Variants in SEC14L2 observed in about 807,000 individuals in gnomAD.
SEC14L2 encodes SEC14-like protein 2.
A neutral mutation model predicts 56.9 loss-of-function variants in SEC14L2; 50 were observed. That is an observed-to-expected ratio of 0.88 (90% CI 0.70 to 1.11). The LOEUF is 1.11. SEC14L2 is among the 50% of genes most tolerant of loss of function. The pLI, the probability that SEC14L2 is intolerant of heterozygous loss-of-function variation, is 0.00. For missense variants in SEC14L2, 414 were observed against 500.7 expected (o/e 0.83, Z 1.65); for synonymous variants, 179 against 188.5 (o/e 0.95, Z 0.41).
chr22:30,410,967 A>G (rs990090549), intron 8 of SEC14L2, among the ~76,000 whole-genome samples: 7 of 152,356 alleles, frequency 4.6e-5, no homozygotes, highest in African/African-American at 1.7e-4. Flanking sequence ...CAGGAGACAG[A>G]AGACCTAGAA....
At chr22:30,414,582 T>C (rs1277548716) in intron 8 of SEC14L2, among the ~76,000 whole-genome samples, 1 of 152,232 alleles carries the variant, frequency 6.6e-6, no homozygotes, top group Non-Finnish European at 1.5e-5. Flanking sequence ...AGCATGACAC[T>C]GGCTTGTACC....
chr22:30,398,309 GA>G (rs1293962632), intron 1 of SEC14L2, among the ~76,000 whole-genome samples: 3 of 152,200 alleles, frequency 2.0e-5, no homozygotes, highest in Admixed American at 6.5e-5. Context: ...CTGCAGTTTG[GA>G]GGAGCAGTTT....
chr22:30,402,917 T>TA (rs879265249), intron 2 of SEC14L2, among the ~76,000 whole-genome samples: 116 of 143,434 alleles, frequency 8.1e-4, no homozygotes, highest in East Asian at 2.0e-3. Flanking sequence ...TGCCTCTACT[T>TA]AAAAAAAAAA....
At chr22:30,416,193 CACAG>C (rs756049729) in intron 10 of SEC14L2, 37 bp from the exon 11 acceptor site, 158 of 1,609,782 alleles carry the variant, frequency 9.8e-5, no homozygotes, top group Non-Finnish European at 1.3e-4. Flanking sequence ...AGAGGGCACA[CACAG>C]ACAGAATTAT....
At chr22:30,410,168 C>CAAG (rs1259078190) in intron 7 of SEC14L2, among the ~76,000 whole-genome samples, 1 of 151,782 alleles carries the variant, frequency 6.6e-6, no homozygotes, top group African/African-American at 2.4e-5. Context: ...GAGGCTGAGG[C>CAAG]AAGAGCACTG....
intron 2 of SEC14L2, among the ~76,000 whole-genome samples, chr22:30,403,928 G>A (rs1934012117): frequency 6.8e-6 from 1 of 148,070 alleles, no homozygotes; most frequent in Non-Finnish European, 1.5e-5. Context: ...GCGTGAACCC[G>A]GGAAGCGGAG....
At chr22:30,399,838 C>A in intron 2 of SEC14L2, 120 bp downstream of exon 2, 1 of 744,578 alleles carries the variant, frequency 1.3e-6, no homozygotes, top group Non-Finnish European at 2.1e-6. Flanking sequence ...CCTTTAGCGC[C>A]AAAGGGCCCT....
intron 11 of SEC14L2, among the ~76,000 whole-genome samples, chr22:30,418,124 C>T (rs1934433224): frequency 6.6e-6 from 1 of 152,068 alleles, no homozygotes. Flanking sequence ...CGCTGTGTTG[C>T]CCAGGCTGGT....
chr22:30,413,091 G>A (rs2146032144), intron 8 of SEC14L2, among the ~76,000 whole-genome samples: 1 of 152,270 alleles, frequency 6.6e-6, no homozygotes, highest in Admixed American at 6.5e-5. Flanking sequence ...CTCTGGTCTG[G>A]AGATTTGGGA....
intron 2 of SEC14L2, 74 bp downstream of exon 2, chr22:30,399,792 C>G: frequency 7.2e-7 from 1 of 1,384,428 alleles, no homozygotes; most frequent in African/African-American, 1.4e-5. Context: ...CTCTGAAAAC[C>G]CTGCCCTTGG....
rs1333131853 is a variant in SEC14L2 at position 30,407,455 on chromosome 22, AC to A, written c.277del (p.Leu93TrpfsTer10). Reference protein sequence around the residue: ...QYLSGGMCGYDLDGCPVWYDI... With the variant: ...QYLSGGMCGYXLDGCPVWYDI... ...CTGTCAGGGGGTATGTGTGGCTATG[AC>A]CTGGATGGCTGCCCAGTCTGGTACG... On this transcript the variant is annotated frameshift_variant, in exon 5 of 12. Coordinates refer to ENST00000615189, the MANE Select transcript of SEC14L2 (RefSeq NM_012429.5). LOFTEE classifies it high-confidence loss of function. The A allele has an allele frequency of 1.9e-6, 3 of 1,614,028 alleles. No homozygotes were observed. The highest frequency in any genetic ancestry group is 2.5e-6 in the Non-Finnish European group (3 of 1,180,030).
At chr22:30,418,428 G>GGA (rs1251115567) in intron 11 of SEC14L2, among the ~76,000 whole-genome samples, 1 of 152,136 alleles carries the variant, frequency 6.6e-6, no homozygotes, top group Non-Finnish European at 1.5e-5. Flanking sequence ...AGAGCCTGTA[G>GGA]GAGAGCCCCA....
Position 30,406,394 on chromosome 22 carries a change from C to T in SEC14L2, c.174+9C>T, listed in dbSNP as rs954853864. ...AGGCCATGCTCCGGAAGGTGAGACA[C>T]ATTTGGCTGTTGCTTCAGTTCCTCC... On this transcript the variant is annotated intron_variant, in intron 3 of 11. Transcript: ENST00000615189. 1.9e-6 allele frequency: 3 copies of T among 1,613,886 alleles called. No homozygotes were observed. Among genetic ancestry groups the T allele is most frequent in the Admixed American group, 1.7e-5 (1 of 59,998 alleles).
chr22:30,413,147 C>CTGCCTA (rs1479812951), intron 8 of SEC14L2, among the ~76,000 whole-genome samples: 2 of 152,184 alleles, frequency 1.3e-5, no homozygotes, highest in African/African-American at 4.8e-5. Flanking sequence ...GTACGTAAGA[C>CTGCCTA]TGCCTACGGA....
At chr22:30,420,591 G>C (rs2146044032) in intron 11 of SEC14L2, 1 of 152,242 alleles carries the variant, frequency 6.6e-6, no homozygotes, top group Admixed American at 6.5e-5. Flanking sequence ...CTTGCCAGAG[G>C]GACTATTGGC....
intron 2 of SEC14L2, among the ~76,000 whole-genome samples, chr22:30,403,127 C>T (rs1601772240): frequency 6.6e-6 from 1 of 152,310 alleles, no homozygotes; most frequent in East Asian, 1.9e-4. Flanking sequence ...TTTTCTCTTT[C>T]TCTCCTTCAA....
At chr22:30,421,017 CAT>C (rs1422730027) in intron 11 of SEC14L2, 1 of 152,206 alleles carries the variant, frequency 6.6e-6, no homozygotes, top group African/African-American at 2.4e-5. Flanking sequence ...AGAAGCATTA[CAT>C]GTTTCCATAA....
intron 2 of SEC14L2, among the ~76,000 whole-genome samples, chr22:30,404,756 A>T (rs1373439367): frequency 6.6e-6 from 1 of 152,162 alleles, no homozygotes; most frequent in East Asian, 1.9e-4. Context: ...CACCTGAGTT[A>T]AGGGTGTTGC....
intron 11 of SEC14L2, among the ~76,000 whole-genome samples, chr22:30,417,688 C>G (rs1459793822): frequency 6.6e-6 from 1 of 152,158 alleles, no homozygotes; most frequent in Non-Finnish European, 1.5e-5. Context: ...TAGGACAAGG[C>G]CTGTGGGAGA....
Sources: gnomAD v4.1 joint callset for allele counts (sites outside exome capture counted in the v4.1 genomes callset) on GRCh38, gnomAD v4.1.1 for gene constraint, MANE v1.5 for transcripts, NCBI Gene and HGNC (gene_info 2026-07-23, HGNC 2026-07-21) for gene names.